Variants in DACH2 observed in about 807,000 individuals in gnomAD.
The protein encoded by DACH2 is dachshund family transcription factor 2.
A neutral mutation model predicts 35.8 loss-of-function variants in DACH2; 17 were observed. The ratio of observed to expected loss-of-function variants is 0.48; its 90% confidence interval spans 0.33 to 0.71. The LOEUF is 0.71. Ranked by LOEUF, DACH2 falls within the 30% of genes least tolerant of loss-of-function variation. The probability of loss-of-function intolerance (pLI) is 0.02; values close to 1 mark genes in which losing one functional copy is unlikely to be tolerated. For synonymous variants in DACH2, 195 were observed against 177.3 expected, an observed-to-expected ratio of 1.10 and a Z score of -0.79; for missense variants, 469 against 472.7, an observed-to-expected ratio of 0.99 and a Z score of 0.07.
intron 1 of DACH2, 36 bp from the exon 2 acceptor site, chrX:86,376,788 T>TTTA: frequency 9.1e-7 from 1 of 1,104,352 alleles, no homozygotes; most frequent in Non-Finnish European, 1.2e-6. Flanking sequence ...ATTAACCAGT[T>TTTA]TTATTTATTT....
At chrX:86,304,140 A>G (rs1406095269) in intron 1 of DACH2, among the ~76,000 whole-genome samples, 1 of 112,071 alleles carries the variant, frequency 8.9e-6, no homozygotes. Context: ...CTGCTTCAAT[A>G]AATGGTGCTA....
intron 7 of DACH2, among the ~76,000 whole-genome samples, chrX:86,770,967 A>G (rs1173275721): frequency 8.8e-6 from 1 of 113,107 alleles, no homozygotes; most frequent in Non-Finnish European, 1.9e-5. Flanking sequence ...TATTTTGTCT[A>G]CTTTACTTTT....
At chrX:86,635,270 AT>A (rs1410827173) in intron 3 of DACH2, among the ~76,000 whole-genome samples, 2 of 108,478 alleles carry the variant, frequency 1.8e-5, no homozygotes, top group Non-Finnish European at 3.8e-5. Context: ...ACAAAACCAG[AT>A]GATTATCTCA....
intron 3 of DACH2, among the ~76,000 whole-genome samples, chrX:86,648,548 T>G (rs971993692): frequency 5.4e-5 from 6 of 111,112 alleles, no homozygotes; most frequent in African/African-American, 2.0e-4. Context: ...TCTTTTCCAC[T>G]GCTTTCCTAT....
At chrX:86,455,973 G>A (rs1444542618) in intron 2 of DACH2, among the ~76,000 whole-genome samples, 1 of 112,070 alleles carries the variant, frequency 8.9e-6, no homozygotes, top group Non-Finnish European at 1.9e-5. Context: ...TGATGGCATA[G>A]GCTCATGAGG....
chrX:86,549,498 C>A (rs2039018764), intron 3 of DACH2, among the ~76,000 whole-genome samples: 1 of 110,505 alleles, frequency 9.0e-6, no homozygotes, highest in Non-Finnish European at 1.9e-5. Context: ...ATTTCTGATA[C>A]AGAAATCAGG....
chrX:86,780,135 A>G (rs1324679221), intron 7 of DACH2, among the ~76,000 whole-genome samples: 4 of 103,441 alleles, frequency 3.9e-5, no homozygotes, highest in East Asian at 3.1e-4. Flanking sequence ...TTACGCCACA[A>G]TGAACTTCTC....
chrX:86,222,793 C>A (rs2032742541), intron 1 of DACH2, among the ~76,000 whole-genome samples: 1 of 110,585 alleles, frequency 9.0e-6, no homozygotes, highest in Non-Finnish European at 1.9e-5. Flanking sequence ...GGAAAATAGC[C>A]ACCAATCAGG....
intron 2 of DACH2, among the ~76,000 whole-genome samples, chrX:86,379,829 C>A (rs2148107348): frequency 9.0e-6 from 1 of 110,913 alleles, no homozygotes; most frequent in South Asian, 3.7e-4. Flanking sequence ...CTGATGTTTA[C>A]TTAAATAAAA....
chrX:86,763,675 A>G (rs777147985), intron 7 of DACH2, among the ~76,000 whole-genome samples: 6 of 111,079 alleles, frequency 5.4e-5, no homozygotes, highest in African/African-American at 2.0e-4. Context: ...GATGGTCTCG[A>G]TCTCCTGACC....
intron 2 of DACH2, among the ~76,000 whole-genome samples, chrX:86,384,988 G>A (rs773937662): frequency 1.8e-5 from 2 of 111,543 alleles, no homozygotes; most frequent in African/African-American, 6.5e-5. Flanking sequence ...TACTTTTTCT[G>A]AAATATATAA....
chrX:86,183,093 T>G (rs891688102), intron 1 of DACH2, among the ~76,000 whole-genome samples: 2 of 111,790 alleles, frequency 1.8e-5, no homozygotes, highest in Admixed American at 9.5e-5. Context: ...ATGATGGGGT[T>G]TTCTAAATGT....
rs563546767 is a variant in DACH2, at chrX:86,371,467, C to T, written c.489-5357C>T. On this transcript the variant is annotated intron_variant, in intron 1 of 11. Transcript: ENST00000373125. ...AAATGGTCAGTTTTAATTGTCTGGGCCTTGGTTCAAAAAATCATGTGTTTG... is the reference window on the plus strand; with the variant it reads ...AAATGGTCAGTTTTAATTGTCTGGGTCTTGGTTCAAAAAATCATGTGTTTG... 3.6e-5 allele frequency among the ~76,000 whole-genome samples: 4 copies of T among 110,570 alleles called. No homozygotes were observed. In the Admixed American group the frequency reaches 3.9e-4, roughly 11 times the overall value.
In DACH2 at chrX:86,814,895, A is replaced by G. The variant is rs1002126321; in HGVS notation, c.1684+61A>G. ...ACAAAGCAAAACTGATTGAAGAAAA[A>G]TAGAAGAAGGAATAAAAAGAGAGGA... On this transcript the variant is annotated intron_variant, in intron 10 of 11. Transcript: ENST00000373125. 3.9e-5 allele frequency: 42 copies of G among 1,081,672 alleles called. 1 individual carries two copies. The Middle Eastern group carries it at 7.7e-4, about 20-fold the overall frequency. The allele number at this position is 1,081,672 out of a possible 1,213,427, so 89.1% of individuals were successfully genotyped here. A position where few individuals can be genotyped will look rare whatever the true frequency, so the allele number is the denominator to read the frequency against.
At chrX:86,184,768 T>C (rs1179802880) in intron 1 of DACH2, among the ~76,000 whole-genome samples, 3 of 112,117 alleles carry the variant, frequency 2.7e-5, no homozygotes, top group African/African-American at 9.7e-5. Flanking sequence ...GCTACCAATA[T>C]CACTTGAGTT....
At chrX:86,483,650 C>T (rs767474514) in intron 2 of DACH2, among the ~76,000 whole-genome samples, 2 of 110,451 alleles carry the variant, frequency 1.8e-5, no homozygotes, top group Non-Finnish European at 3.8e-5. Flanking sequence ...CTGGGCAACA[C>T]GATGAAACCC....
At chrX:86,336,102 C>G (rs896601792) in intron 1 of DACH2, among the ~76,000 whole-genome samples, 4 of 111,753 alleles carry the variant, frequency 3.6e-5, no homozygotes, top group Non-Finnish European at 7.5e-5. Flanking sequence ...ATGAAGCCAA[C>G]TTGATCATGG....
intron 6 of DACH2, among the ~76,000 whole-genome samples, chrX:86,724,068 C>T (rs1370409508): frequency 9.0e-6 from 1 of 111,441 alleles, no homozygotes; most frequent in Admixed American, 9.5e-5. Flanking sequence ...ATGTATTTCA[C>T]CCATCTATGT....
intron 7 of DACH2, among the ~76,000 whole-genome samples, chrX:86,768,783 C>G (rs1424351871): frequency 9.0e-6 from 1 of 110,874 alleles, no homozygotes; most frequent in Non-Finnish European, 1.9e-5. Context: ...AACTTTTGGT[C>G]CTCACCTCCT....
Sources: gnomAD v4.1 joint callset for allele counts (sites outside exome capture counted in the v4.1 genomes callset) on GRCh38, gnomAD v4.1.1 for gene constraint, MANE v1.5 for transcripts, NCBI Gene and HGNC (gene_info 2026-07-23, HGNC 2026-07-21) for gene names.